The following MAGED1 variants were observed in gnomAD, a reference collection of about 807,000 sequenced individuals.
MAGED1 encodes MAGE family member D1, also known as melanoma-associated antigen D1.
In MAGED1, 3 loss-of-function variants were observed where a neutral mutation model predicts 54.1. That is an observed-to-expected ratio of 0.06 (90% CI 0.03 to 0.14). MAGED1 has a LOEUF of 0.14. Ranked by LOEUF, MAGED1 falls within the 10% of genes least tolerant of loss-of-function variation. The pLI is 1.00. For synonymous variants in MAGED1, 217 were observed against 227.3 expected (o/e 0.95, Z 0.41); for missense variants, 485 against 623.4 (o/e 0.78, Z 2.36).
intron 12 of MAGED1, 27 bp downstream of exon 12, chrX:51,901,965 G>T: frequency 8.6e-7 from 1 of 1,168,873 alleles, no homozygotes; most frequent in Non-Finnish European, 1.1e-6. Flanking sequence ...GGATTGGGCA[G>T]TTAGGGTCTC....
intron 1 of MAGED1, among the ~76,000 whole-genome samples, chrX:51,812,061 C>G (rs782286917): frequency 9.1e-6 from 1 of 110,127 alleles, no homozygotes; most frequent in Non-Finnish European, 1.9e-5. Flanking sequence ...AGGTGTGGTG[C>G]TGGCAGTAGA....
At chrX:51,885,550 C>T (rs1014615245) in intron 1 of MAGED1, among the ~76,000 whole-genome samples, 7 of 111,309 alleles carry the variant, frequency 6.3e-5, no homozygotes, top group Middle Eastern at 4.7e-3. Context: ...TTTCTCTTCA[C>T]TTTGTTGATT....
upstream of MAGED1, among the ~76,000 whole-genome samples, chrX:51,890,147 C>T (rs1928384766): frequency 8.9e-6 from 1 of 112,032 alleles, no homozygotes; most frequent in African/African-American, 3.2e-5. Flanking sequence ...CACAGGTGCT[C>T]CATGCCTATC....
intron 1 of MAGED1, among the ~76,000 whole-genome samples, chrX:51,823,975 C>T (rs1345930597): frequency 9.0e-6 from 1 of 111,515 alleles, no homozygotes; most frequent in Non-Finnish European, 1.9e-5. Flanking sequence ...TGTCCATCAA[C>T]GTAGATTTAT....
At chrX:51,898,691 T>G (rs1476027515) in intron 10 of MAGED1, 48 bp downstream of exon 10, 1 of 1,109,413 alleles carries the variant, frequency 9.0e-7, no homozygotes, top group African/African-American at 1.8e-5. Flanking sequence ...ATTCTGCCTG[T>G]GTGCTGGTCA....
intron 11 of MAGED1, among the ~76,000 whole-genome samples, chrX:51,901,342 G>C (rs1473996024): frequency 1.8e-5 from 2 of 111,703 alleles, no homozygotes; most frequent in African/African-American, 6.5e-5. Context: ...TTCTGTGTCT[G>C]GCTTATTTCA....
At position 51,895,053 on chromosome X, in the gene MAGED1, G is replaced by T; in HGVS notation, c.46G>T (p.Ala16Ser). The T allele has an allele frequency of 8.3e-7, 1 of 1,198,986 alleles. No homozygotes were observed. Among genetic ancestry groups the T allele is most frequent in the Non-Finnish European group, 1.1e-6 (1 of 886,953 alleles). Reference protein sequence around the residue: ...DCGAGLLGFQAEASVEDSALL... With the variant: ...DCGAGLLGFQSEASVEDSALL... ...AATTTTTTCCCCCCTGTGTTTGCAGGCTGAGGCCTCCGTAGAAGACAGCGC... is the reference window on the plus strand; with the variant it reads ...AATTTTTTCCCCCCTGTGTTTGCAGTCTGAGGCCTCCGTAGAAGACAGCGC... Residue 16 changes from alanine (A) to serine (S), a missense_variant and splice_region_variant, in exon 3 of 13, where the codon GCT (alanine) becomes TCT (serine). By Grantham distance (99) the Ala-to-Ser change is moderately conservative. Transcript: ENST00000326587.
At chrX:51,861,103 C>T (rs1927266588) in intron 1 of MAGED1, among the ~76,000 whole-genome samples, 1 of 111,414 alleles carries the variant, frequency 9.0e-6, no homozygotes, top group South Asian at 3.8e-4. Context: ...AACAGTGGGG[C>T]GGGGCTTCAG....
At chrX:51,816,270 A>C (rs1225772054) in intron 1 of MAGED1, among the ~76,000 whole-genome samples, 2 of 110,478 alleles carry the variant, frequency 1.8e-5, no homozygotes, top group Admixed American at 1.9e-4. Context: ...GCCTGCTACC[A>C]TGCCCGGCTA....
intron 1 of MAGED1, among the ~76,000 whole-genome samples, chrX:51,874,754 T>C (rs900563341): frequency 9.0e-6 from 1 of 110,804 alleles, no homozygotes; most frequent in Non-Finnish European, 1.9e-5. Flanking sequence ...AATATTTAAG[T>C]TCTGGGTAAG....
chrX:51,839,925 C>G (rs1415260344), intron 1 of MAGED1, among the ~76,000 whole-genome samples: 1 of 112,076 alleles, frequency 8.9e-6, no homozygotes, highest in African/African-American at 3.2e-5. Flanking sequence ...AAAATGTGGT[C>G]CAGGGAGCCC....
At chrX:51,806,288 A>G (rs1925032073) in intron 1 of MAGED1, among the ~76,000 whole-genome samples, 1 of 111,662 alleles carries the variant, frequency 9.0e-6, no homozygotes. Flanking sequence ...AAGCATTCTC[A>G]CAAAGTGAAC....
At chrX:51,890,469 A>T (rs1557363348), upstream of MAGED1, among the ~76,000 whole-genome samples, 1 of 112,081 alleles carries the variant, frequency 8.9e-6, no homozygotes, top group Non-Finnish European at 1.9e-5. Context: ...AGCTTGCCAC[A>T]CTGGTAAATC....
chrX:51,886,436 C>T (rs1557362815), intron 1 of MAGED1, among the ~76,000 whole-genome samples: 1 of 110,390 alleles, frequency 9.1e-6, no homozygotes, highest in African/African-American at 3.3e-5. Context: ...ATATATACAA[C>T]AAATATGTAT....
At chrX:51,844,973 C>G (rs1557359134) in intron 1 of MAGED1, among the ~76,000 whole-genome samples, 3 of 111,503 alleles carry the variant, frequency 2.7e-5, no homozygotes, top group African/African-American at 9.8e-5. Flanking sequence ...GTGGCACATG[C>G]CTGTAATCCC....
chrX:51,884,605 A>T (rs1163141641), intron 1 of MAGED1, among the ~76,000 whole-genome samples: 1 of 112,187 alleles, frequency 8.9e-6, no homozygotes, highest in Non-Finnish European at 1.9e-5. Context: ...CATCCAGAAA[A>T]TAAGAGGAAA....
chrX:51,808,341 CCATTCA>C (rs1211807086), intron 1 of MAGED1, among the ~76,000 whole-genome samples: 5 of 111,911 alleles, frequency 4.5e-5, no homozygotes, highest in Non-Finnish European at 9.4e-5. Flanking sequence ...AAGTGGGAGC[CCATTCA>C]CATTCACATT....
chrX:51,894,381 C>T (rs1557363893), intron 2 of MAGED1, 32 bp downstream of exon 2: 1 of 1,170,478 alleles, frequency 8.5e-7, no homozygotes, highest in South Asian at 1.9e-5. Flanking sequence ...CCACCATTTC[C>T]CCAGCCGACA....
intron 1 of MAGED1, among the ~76,000 whole-genome samples, chrX:51,822,857 G>T (rs1489902962): frequency 9.0e-6 from 1 of 111,456 alleles, no homozygotes; most frequent in Non-Finnish European, 1.9e-5. Flanking sequence ...GGTAGGTTGT[G>T]TTTAAGTTTT....
Sources: allele counts gnomAD v4.1 joint callset (sites outside exome capture counted in the v4.1 genomes callset), GRCh38; gene constraint gnomAD v4.1.1; transcripts MANE v1.5; gene names NCBI Gene and HGNC (gene_info 2026-07-23, HGNC 2026-07-21).